MPZL1: variants seen among roughly 807,000 people sequenced by gnomAD.
The protein encoded by MPZL1 is myelin protein zero like 1, also known as myelin protein zero-like protein 1.
Under a neutral mutation model 29.3 loss-of-function variants are expected in MPZL1, and 16 were observed. The ratio of observed to expected loss-of-function variants is 0.55; its 90% CI spans 0.37 to 0.83. The LOEUF is 0.83. MPZL1 is among the 40% of genes least tolerant of loss of function. The pLI, the probability that MPZL1 is intolerant of heterozygous loss-of-function variation, is 0.00. For synonymous variants in MPZL1, 143 were observed against 132.0 expected (o/e 1.08, Z -0.57); for missense variants, 279 against 332.9 (o/e 0.84, Z 1.26).
intron 5 of MPZL1, among the ~76,000 whole-genome samples, chr1:167,781,287 GCGC>G (rs1013174383): frequency 6.6e-6 from 1 of 152,094 alleles, no homozygotes; most frequent in African/African-American, 2.4e-5. Flanking sequence ...CTTCCATCAA[GCGC>G]AGAATTCTTA....
chr1:167,769,032 C>G (rs187191370), intron 2 of MPZL1, among the ~76,000 whole-genome samples: 1 of 152,280 alleles, frequency 6.6e-6, no homozygotes, highest in Admixed American at 6.5e-5. Context: ...ATAGCATAAG[C>G]TTTGAAATCA....
intron 1 of MPZL1, among the ~76,000 whole-genome samples, chr1:167,753,194 C>T (rs1303769324): frequency 6.6e-6 from 1 of 152,110 alleles, no homozygotes; most frequent in Non-Finnish European, 1.5e-5. Flanking sequence ...CAGAGGTGGG[C>T]CTTGTTCCAA....
At chr1:167,762,238 A>G (rs1190669652) in intron 1 of MPZL1, among the ~76,000 whole-genome samples, 1 of 152,190 alleles carries the variant, frequency 6.6e-6, no homozygotes, top group African/African-American at 2.4e-5. Flanking sequence ...CCTACAAGGT[A>G]TAGCACAGTT....
At chr1:167,777,645 G>C (rs543373242) in intron 5 of MPZL1, among the ~76,000 whole-genome samples, 1 of 152,162 alleles carries the variant, frequency 6.6e-6, no homozygotes, top group African/African-American at 2.4e-5. Flanking sequence ...GTCTTTGTCT[G>C]ATTACAGAGT....
At chr1:167,782,437 T>TA (rs1193837762) in intron 5 of MPZL1, among the ~76,000 whole-genome samples, 13 of 152,182 alleles carry the variant, frequency 8.5e-5, no homozygotes, top group Non-Finnish European at 1.8e-4. Flanking sequence ...AGACTGTACT[T>TA]ACGTTCTTGG....
intron 1 of MPZL1, among the ~76,000 whole-genome samples, chr1:167,734,515 C>T (rs898618934): frequency 4.6e-5 from 7 of 152,200 alleles, no homozygotes; most frequent in African/African-American, 1.7e-4. Context: ...GTTCCCTCCA[C>T]CATGATCCCA....
chr1:167,763,380 G>T (rs553152374), intron 1 of MPZL1, among the ~76,000 whole-genome samples: 2 of 151,934 alleles, frequency 1.3e-5, no homozygotes, highest in Non-Finnish European at 2.9e-5. Flanking sequence ...GCTGGGCGTC[G>T]TGGTGGGTGT....
At chr1:167,775,699 T>C (rs1293488660) in intron 4 of MPZL1, among the ~76,000 whole-genome samples, 5 of 152,218 alleles carry the variant, frequency 3.3e-5, no homozygotes, top group Admixed American at 2.0e-4. Flanking sequence ...TAGAGCTTGT[T>C]CCCTTAAACC....
chr1:167,743,105 C>T (rs1386770824), intron 1 of MPZL1, among the ~76,000 whole-genome samples: 1 of 151,866 alleles, frequency 6.6e-6, no homozygotes, highest in Non-Finnish European at 1.5e-5. Flanking sequence ...TTTTTGGTTC[C>T]ATATGAATTT....
At chr1:167,756,143 T>G (rs1660863939) in intron 1 of MPZL1, among the ~76,000 whole-genome samples, 1 of 152,102 alleles carries the variant, frequency 6.6e-6, no homozygotes, top group Non-Finnish European at 1.5e-5. Flanking sequence ...TCTTGTGTGT[T>G]AGTAAAAGTA....
intron 1 of MPZL1, chr1:167,765,343 CA>C: frequency 4.2e-6 from 1 of 240,932 alleles, no homozygotes; most frequent in South Asian, 1.6e-4. Flanking sequence ...TCAATATAAC[CA>C]GACTAATAAA....
At chr1:167,724,522 TAGAA>T (rs1370046694) in intron 1 of MPZL1, among the ~76,000 whole-genome samples, 3 of 152,208 alleles carry the variant, frequency 2.0e-5, no homozygotes, top group African/African-American at 4.8e-5. Context: ...ATGCGCCACT[TAGAA>T]AGTACGTTTG....
intron 2 of MPZL1, among the ~76,000 whole-genome samples, chr1:167,770,190 A>C (rs1267139646): frequency 6.6e-6 from 1 of 152,212 alleles, no homozygotes; most frequent in Non-Finnish European, 1.5e-5. Context: ...ATGAGTCTGC[A>C]CTGGGGTTTT....
Position 167,751,794 on chromosome 1 carries a change from T to G in MPZL1, c.92-13789T>G, listed in dbSNP as rs79539635. ...TAAAAATAATTTCATTTGTTAGTAGTATTGTTTTTGAAAGATTTAGAGATG... is the reference window on the plus strand; with the variant it reads ...TAAAAATAATTTCATTTGTTAGTAGGATTGTTTTTGAAAGATTTAGAGATG... On this transcript the variant is annotated intron_variant, in intron 1 of 5. Transcript: ENST00000359523. 6.1e-3 allele frequency among the ~76,000 whole-genome samples: 930 copies of G among 152,270 alleles called. 8 individuals carry two copies. The highest frequency in any genetic ancestry group is 0.021 in the African/African-American group (877 of 41,572).
At chr1:167,767,886 TTTG>T (rs1661152906) in intron 2 of MPZL1, among the ~76,000 whole-genome samples, 1 of 149,850 alleles carries the variant, frequency 6.7e-6, no homozygotes, top group Non-Finnish European at 1.5e-5. Context: ...TTTGTTTTGT[TTTG>T]TTTTGTGTTT....
intron 1 of MPZL1, among the ~76,000 whole-genome samples, chr1:167,758,922 T>C (rs1210512711): frequency 9.2e-5 from 14 of 152,224 alleles, no homozygotes. Context: ...CATTTCCATG[T>C]TGAAGTTTGT....
intron 1 of MPZL1, chr1:167,765,370 A>C (rs962433140): frequency 3.2e-6 from 1 of 312,956 alleles, no homozygotes; most frequent in Non-Finnish European, 5.9e-6. Flanking sequence ...CTTAACTAAA[A>C]AGCAATACAA....
chr1:167,773,173 TAAA>T (rs779157230), intron 3 of MPZL1, 60 bp from the exon 4 acceptor site: 2 of 1,516,686 alleles, frequency 1.3e-6, no homozygotes, highest in Non-Finnish European at 1.8e-6. Context: ...GTTAATTTAA[TAAA>T]ATTCCATGTT....
intron 1 of MPZL1, among the ~76,000 whole-genome samples, chr1:167,736,103 CT>C (rs1660372437): frequency 6.6e-6 from 1 of 152,162 alleles, no homozygotes. Flanking sequence ...TGGTTGACCA[CT>C]TTGATCTCAT....
Sources: gnomAD v4.1 joint callset for allele counts (sites outside exome capture counted in the v4.1 genomes callset) on GRCh38, gnomAD v4.1.1 for gene constraint, MANE v1.5 for transcripts, NCBI Gene and HGNC (gene_info 2026-07-23, HGNC 2026-07-21) for gene names.